PLOD1: variants seen among roughly 807,000 people sequenced by gnomAD.
PLOD1 encodes the protein procollagen-lysine,2-oxoglutarate 5-dioxygenase 1, also known as lysine hydroxylase.
PLOD1 carries 70 observed loss-of-function variants against 94.7 expected under a neutral mutation model. The observed-to-expected ratio is 0.74, with a 90% CI of 0.61 to 0.90. The LOEUF (loss-of-function observed/expected upper bound fraction) is 0.90. PLOD1 is among the 40% of genes least tolerant of loss of function. The probability of loss-of-function intolerance (pLI) is 0.00; values close to 1 mark genes in which losing one functional copy is unlikely to be tolerated. For missense variants in PLOD1, 905 were observed against 972.7 expected (o/e 0.93, Z 0.93); for synonymous variants, 417 against 400.2 (o/e 1.04, Z -0.50).
At chr1:11,964,076 T>A in intron 11 of PLOD1, 99 bp from the exon 12 acceptor site, 1 of 1,232,608 alleles carries the variant, frequency 8.1e-7, no homozygotes, top group Non-Finnish European at 1.2e-6. Context: ...GATCCCTGCG[T>A]GCAGGTTGAG....
At position 11,963,706 on chromosome 1, in the gene PLOD1, C is replaced by T; in HGVS notation, c.1202+70C>T. ...GGTCCTGGGGTGGCAGCCCTCCTTG[C>T]CTTCCTCCTCCTCCTCCTCATCCAC... On this transcript the variant is annotated intron_variant, in intron 11 of 18. Coordinates refer to ENST00000196061, the MANE Select transcript of PLOD1 (RefSeq NM_000302.4). The surrounding 1 kb of genome is among the most constrained non-coding windows in gnomAD (Gnocchi z 4.3). The T allele has an allele frequency of 2.3e-6, 2 of 887,032 alleles. No individual in the cohort carries two copies. Among genetic ancestry groups the T allele is most frequent in the Non-Finnish European group, 3.7e-6 (2 of 540,222 alleles). The allele number at this position is 887,032 out of a possible 1,614,324, so 54.9% of individuals were successfully genotyped here.
In PLOD1 at chr1:11,972,720, C is replaced by T; in HGVS notation, c.1903-152C>T. 1.3e-6 allele frequency: 1 copy of T among 743,690 alleles called. No homozygotes were observed. Among genetic ancestry groups the T allele is most frequent in the South Asian group, 1.5e-5 (1 of 67,634 alleles). 46.1% of individuals were successfully genotyped at this position (743,690 alleles called of 1,614,324 possible). On this transcript the variant is annotated intron_variant, in intron 17 of 18. Coordinates refer to ENST00000196061, the MANE Select transcript of PLOD1 (RefSeq NM_000302.4). The surrounding 1 kb of genome is among the most constrained non-coding windows in gnomAD (Gnocchi z 4.6). The stretch of plus-strand genomic sequence containing the variant: ...GAACCTTTTCTGTGCCAGGTAGTTG[C>T]AGGCACTCGAGCATAGAGCCCCATG...
Position 11,974,766 on chromosome 1 carries a change from C to G in PLOD1, c.2142C>G (p.Thr714=). The G allele has an allele frequency of 6.2e-7, 1 of 1,614,118 alleles. No homozygotes were observed. The highest frequency in any genetic ancestry group is 8.5e-7 in the Non-Finnish European group (1 of 1,179,960). ...LTHYHEGLPT[T]RGTRYIAVSF... ...ATTACCATGAGGGGCTCCCCACCAC[C>G]AGGGGCACCCGCTACATCGCAGTCT... Residue 714 remains threonine (T), a synonymous_variant, in exon 19 of 19, where the codon ACC becomes ACG. Transcript: ENST00000196061.
At position 11,958,690 on chromosome 1, in the gene PLOD1, C is replaced by T. The variant is rs756632677; in HGVS notation, c.975+43C>T. ...TGTGGGGTCGTCATGTGGCTTAGAT[C>T]CAGGGCCCAGCTTCACAAGGTAGCC... On this transcript the variant is annotated intron_variant, in intron 9 of 18. Transcript: ENST00000196061. The surrounding 1 kb of genome is among the most constrained non-coding windows in gnomAD (Gnocchi z 4.3). 1.6e-5 allele frequency: 25 copies of T among 1,612,094 alleles called. No homozygotes were observed. The highest frequency in any genetic ancestry group is 2.2e-5 in the East Asian group (1 of 44,876).
Position 11,972,813 on chromosome 1 carries a change from C to T in PLOD1, c.1903-59C>T. On this transcript the variant is annotated intron_variant, in intron 17 of 18. Transcript: ENST00000196061. This position sits in a 1 kb window ranked among gnomAD's most constrained non-coding sequence, Gnocchi z 4.6. ...GGCCCCATGTGTGCACCCTCCTCTC[C>T]TGGCCTTTGTGTCCTCCTTAACTAA... is the stretch of plus-strand genomic sequence containing the variant. 1.9e-6 allele frequency: 3 copies of T among 1,607,796 alleles called. No homozygotes were observed. Among genetic ancestry groups the T allele is most frequent in the Non-Finnish European group, 2.6e-6 (3 of 1,174,714 alleles).
chr1:11,972,282 G>C lies in PLOD1; in HGVS notation c.1903-590G>C, dbSNP rs1011483073. 2 of 134,094 alleles carry C rather than the reference G, an allele frequency of 1.5e-5. No individual in the cohort carries two copies. The highest frequency in any genetic ancestry group is 5.6e-5 in the African/African-American group (2 of 35,696). 8.3% of individuals were successfully genotyped at this position (134,094 alleles called of 1,614,324 possible). On this transcript the variant is annotated intron_variant, in intron 17 of 18. Coordinates refer to ENST00000196061, the MANE Select transcript of PLOD1 (RefSeq NM_000302.4). The surrounding 1 kb of genome is among the most constrained non-coding windows in gnomAD (Gnocchi z 4.6). ...TGTCTCTTTTTCTTTCTTTTCTTTCGCACTTGTCACCCAGGCTGGAGTGCA... is the reference window on the plus strand; with the variant it reads ...TGTCTCTTTTTCTTTCTTTTCTTTCCCACTTGTCACCCAGGCTGGAGTGCA...
chr1:11,943,628 G>A (rs1645629774), intron 1 of PLOD1, among the ~76,000 whole-genome samples: 1 of 152,148 alleles, frequency 6.6e-6, no homozygotes, highest in Admixed American at 6.5e-5. Flanking sequence ...CCCAGTGTGG[G>A]CTCTCAGCAG....
In PLOD1 at chr1:11,964,230, G is replaced by T. The variant is rs1222580628; in HGVS notation, c.1258G>T (p.Gly420Trp). Residue 420 changes from glycine (G) to tryptophan (W), a missense_variant, in exon 12 of 19, where the codon GGG becomes TGG. Transcript: ENST00000196061. ...TGGGAGGCTGTGGTCGAACTTCTGG[G>T]GGGCTCTCAGTGCAGATGGCTACTA... is the stretch of plus-strand genomic sequence containing the variant. ...RHGRLWSNFWGALSADGYYAR... is the reference protein window; with the variant it reads ...RHGRLWSNFWWALSADGYYAR... 2 of 1,613,780 alleles carry T rather than the reference G, an allele frequency of 1.2e-6. No homozygotes were observed. Among genetic ancestry groups the T allele is most frequent in the Non-Finnish European group, 1.7e-6 (2 of 1,179,934 alleles).
At chr1:11,950,881 C>T (rs1363262512) in intron 4 of PLOD1, among the ~76,000 whole-genome samples, 5 of 152,172 alleles carry the variant, frequency 3.3e-5, no homozygotes, top group African/African-American at 1.2e-4. Context: ...GCAGCCTCCG[C>T]CTCTTGGGCT....
At position 11,949,777 on chromosome 1, in the gene PLOD1, T is replaced by C. The variant is rs754877185; in HGVS notation, c.173T>C (p.Leu58Pro). 6.2e-7 allele frequency: 1 copy of C among 1,613,992 alleles called. No individual in the cohort carries two copies. The highest frequency in any genetic ancestry group is 8.5e-7 in the Non-Finnish European group (1 of 1,179,968). ...TTAAGGGGTGTTTCTCTCCAGGCGC[T>C]TGGCCTAGGGGAGGACTGGAATGTG... ...AQFFNYKIQA[L>P]GLGEDWNVEK... Residue 58 changes from leucine (L) to proline (P), a missense_variant, in exon 3 of 19, where the codon CTT becomes CCT. Physicochemically the swap from Leu to Pro is moderately conservative, Grantham distance 98 (BLOSUM62 -3). Coordinates refer to ENST00000196061, the MANE Select transcript of PLOD1 (RefSeq NM_000302.4).
Position 11,957,341 on chromosome 1 carries a change from T to TC in PLOD1, c.741+327_741+328insC, listed in dbSNP as rs1645746088. 1 of 496,412 alleles carries TC rather than the reference T, an allele frequency of 2.0e-6. No individual in the cohort carries two copies. The highest frequency in any genetic ancestry group is 1.9e-5 in the African/African-American group (1 of 52,106). The allele number at this position is 496,412 out of a possible 1,614,324, so 30.8% of individuals were successfully genotyped here. A position where few individuals can be genotyped will look rare whatever the true frequency, so the allele number is the denominator to read the frequency against. ...TCACTCAGTAAACCTTTATTTCATG[T>TC]TTGCACCAGACAGTAAGACATAGTC... On this transcript the variant is annotated intron_variant, in intron 7 of 18. Transcript: ENST00000196061. This position sits in a 1 kb window ranked among gnomAD's most constrained non-coding sequence, Gnocchi z 4.1.
Position 11,972,896 on chromosome 1 carries a change from G to T in PLOD1, c.1927G>T (p.Val643Phe), listed in dbSNP as rs149425237. 6.2e-7 allele frequency: 1 copy of T among 1,613,862 alleles called. No individual in the cohort carries two copies. Among genetic ancestry groups the T allele is most frequent in the African/African-American group, 1.3e-5 (1 of 74,884 alleles). ...TRAQFDLAFV[V>F]RYKPDEQPSL... ...GGCCCAGTTTGACCTGGCCTTTGTC[G>T]TCCGCTACAAGCCTGATGAGCAGCC... The change falls in exon 18 of 19, where the codon GTC (valine) becomes TTC (phenylalanine). Residue 643 changes from valine (V) to phenylalanine (F), a missense_variant. By Grantham distance (50) the Val-to-Phe change is conservative. Coordinates refer to ENST00000196061, the MANE Select transcript of PLOD1 (RefSeq NM_000302.4). This position sits in a 1 kb window ranked among gnomAD's most constrained non-coding sequence, Gnocchi z 4.6.
At chr1:11,950,672 A>G (rs1389882054) in intron 4 of PLOD1, 152 bp downstream of exon 4, 6 of 661,952 alleles carry the variant, frequency 9.1e-6, no homozygotes, top group Non-Finnish European at 1.6e-5. Context: ...TCAACCCCAA[A>G]TGTGCTCCCC....
At position 11,946,126 on chromosome 1, in the gene PLOD1, A is replaced by C. The variant is rs183889180; in HGVS notation, c.77-1850A>C. On this transcript the variant is annotated intron_variant, in intron 1 of 18. Coordinates refer to ENST00000196061, the MANE Select transcript of PLOD1 (RefSeq NM_000302.4). ...GTACTATTATTATCCCTGCTTTCCA[A>C]GGGGGAAACTGAGTCTCAGAAGGGC... Among the ~76,000 whole-genome samples, 554 of 152,274 alleles carry C rather than the reference A, an allele frequency of 3.6e-3. 2 individuals are homozygous for C. The highest frequency in any genetic ancestry group is 5.8e-3 in the Non-Finnish European group (397 of 68,030).
intron 1 of PLOD1, among the ~76,000 whole-genome samples, chr1:11,947,696 C>T (rs576148674): frequency 1.3e-5 from 2 of 152,202 alleles, no homozygotes; most frequent in Non-Finnish European, 2.9e-5. Context: ...CACTGGGCCC[C>T]ACCTCCAACA....
intron 6 of PLOD1, among the ~76,000 whole-genome samples, chr1:11,955,147 C>A (rs940946661): frequency 1.3e-5 from 2 of 152,220 alleles, no homozygotes; most frequent in African/African-American, 2.4e-5. Context: ...GGTGCTGGAC[C>A]CCCTGCCCTG....
At chr1:11,961,865 T>A (rs748862642) in intron 10 of PLOD1, among the ~76,000 whole-genome samples, 1 of 152,238 alleles carries the variant, frequency 6.6e-6, no homozygotes, top group Admixed American at 6.5e-5. Flanking sequence ...CTCGGCTCAC[T>A]GCAACCTCCC....
chr1:11,966,911 T>G, intron 15 of PLOD1, 76 bp from the exon 16 acceptor site: 1 of 914,548 alleles, frequency 1.1e-6, no homozygotes, highest in Non-Finnish European at 1.8e-6. Flanking sequence ...CTGGCTTGGG[T>G]GTGTGGCCCT....
At chr1:11,954,765 G>A (rs966993571) in intron 5 of PLOD1, 65 bp from the exon 6 acceptor site, 1 of 1,189,600 alleles carries the variant, frequency 8.4e-7, no homozygotes. Context: ...CACACTGGGT[G>A]AGATGTAGCC....
Sources: gnomAD v4.1 joint callset for allele counts (sites outside exome capture counted in the v4.1 genomes callset) on GRCh38, gnomAD v4.1.1 for gene constraint, Gnocchi (gnomAD v3.1) non-coding constraint, MANE v1.5 for transcripts, NCBI Gene and HGNC (gene_info 2026-07-23, HGNC 2026-07-21) for gene names.